Variants in ABHD5 observed in about 807,000 individuals in gnomAD.
ABHD5 encodes 1-acylglycerol-3-phosphate O-acyltransferase ABHD5.
A neutral mutation model predicts 44.9 loss-of-function variants in ABHD5; 30 were observed. The ratio of observed to expected loss-of-function variants is 0.67; its 90% CI spans 0.50 to 0.91. ABHD5 has a LOEUF of 0.91. Ranked by LOEUF, ABHD5 falls within the 40% of genes least tolerant of loss-of-function variation. The pLI is 0.00. For synonymous variants in ABHD5, 167 were observed against 147.0 expected, an observed-to-expected ratio of 1.14 and a Z score of -0.99; for missense variants, 399 against 423.4, an observed-to-expected ratio of 0.94 and a Z score of 0.50.
At chr3:43,699,250 T>C (rs1225213245) in intron 1 of ABHD5, 26 bp from the exon 2 acceptor site, 1 of 1,591,982 alleles carries the variant, frequency 6.3e-7, no homozygotes, top group Admixed American at 1.7e-5. Context: ...ACTCACCTAT[T>C]TGTTATTTTG....
intron 7 of ABHD5, among the ~76,000 whole-genome samples, chr3:43,730,560 C>T (rs1340899207): frequency 8.0e-6 from 1 of 124,664 alleles, no homozygotes; most frequent in South Asian, 2.6e-4. Context: ...GGCTGGAATA[C>T]GGTGGTGCGA....
chr3:43,731,124 G>A (rs774813736), intron 7 of ABHD5, among the ~76,000 whole-genome samples: 3 of 152,108 alleles, frequency 2.0e-5, no homozygotes, highest in Admixed American at 6.6e-5. Flanking sequence ...CACTGCGCCC[G>A]GCCCTAATCC....
chr3:43,709,942 CTG>C (rs2084666500), intron 3 of ABHD5, among the ~76,000 whole-genome samples: 2 of 152,098 alleles, frequency 1.3e-5, no homozygotes, highest in Admixed American at 6.5e-5. Context: ...ACTCAGGAGA[CTG>C]AGGCAGGAGA....
In ABHD5 at chr3:43,719,641, T is replaced by G. The variant is rs2084809704; in HGVS notation, c.*1109T>G. 1.3e-5 allele frequency: 2 copies of G among 152,322 alleles called. No individual in the cohort carries two copies. The highest frequency in any genetic ancestry group is 4.1e-4 in the South Asian group (2 of 4,830). 9.4% of individuals were successfully genotyped at this position (152,322 alleles called of 1,614,324 possible). A position where few individuals can be genotyped will look rare whatever the true frequency, so the allele number is the denominator to read the frequency against. ...ATTACAAAAATTCTAGAAGGTTGAT[T>G]GAACTATTTTTTTAGGAACTACCAT... On this transcript the variant is annotated 3_prime_UTR_variant, in exon 7 of 7. Transcript: ENST00000644371.
intron 1 of ABHD5, among the ~76,000 whole-genome samples, chr3:43,697,829 G>A (rs919801745): frequency 6.6e-6 from 1 of 152,144 alleles, no homozygotes; most frequent in African/African-American, 2.4e-5. Context: ...GTAGTCATTT[G>A]AGAAAAAAGC....
At chr3:43,699,563 G>A (rs2084514637) in intron 2 of ABHD5, 2 of 564,248 alleles carry the variant, frequency 3.5e-6, no homozygotes, top group South Asian at 2.0e-5. Context: ...TTGGTCTTGG[G>A]CCCCTGTTAT....
At chr3:43,694,151 C>T (rs918545298) in intron 1 of ABHD5, among the ~76,000 whole-genome samples, 1 of 148,910 alleles carries the variant, frequency 6.7e-6, no homozygotes, top group Non-Finnish European at 1.5e-5. Flanking sequence ...CCCAGCTACT[C>T]GGGAGGCTGA....
chr3:43,716,748 G>A (rs954363198), intron 5 of ABHD5, among the ~76,000 whole-genome samples: 14 of 152,100 alleles, frequency 9.2e-5, no homozygotes, highest in Non-Finnish European at 1.5e-4. Context: ...CCTGCATGGC[G>A]TAAGTTTTAC....
intron 1 of ABHD5, chr3:43,695,166 CTT>C (rs1282559603): frequency 6.6e-6 from 1 of 152,150 alleles, no homozygotes; most frequent in African/African-American, 2.4e-5. Flanking sequence ...ACGCTTTTTT[CTT>C]TTCTTTTTCT....
intron 5 of ABHD5, 65 bp downstream of exon 5, chr3:43,715,123 G>T (rs1575606234): frequency 1.2e-6 from 1 of 806,288 alleles, no homozygotes; most frequent in African/African-American, 1.8e-5. Flanking sequence ...GTGTGTGTTT[G>T]TGTGTGTTTT....
intron 2 of ABHD5, 38 bp from the exon 3 acceptor site, chr3:43,702,177 T>C: frequency 1.3e-6 from 2 of 1,558,758 alleles, no homozygotes; most frequent in Non-Finnish European, 1.7e-6. Flanking sequence ...TCAGAAGTAA[T>C]AAAATGAAAC....
intron 1 of ABHD5, among the ~76,000 whole-genome samples, chr3:43,699,016 T>G (rs1443414263): frequency 6.6e-6 from 1 of 152,208 alleles, no homozygotes; most frequent in African/African-American, 2.4e-5. Context: ...TTTATCCTCT[T>G]TTTGCTTATT....
intron 4 of ABHD5, 151 bp downstream of exon 4, chr3:43,712,014 A>C (rs1043877026): frequency 2.0e-6 from 2 of 982,568 alleles, no homozygotes; most frequent in Non-Finnish European, 3.2e-6. Flanking sequence ...TGTCTTGCAC[A>C]AAGACGAATG....
At chr3:43,700,282 C>G (rs2084525443) in intron 2 of ABHD5, among the ~76,000 whole-genome samples, 1 of 152,094 alleles carries the variant, frequency 6.6e-6, no homozygotes, top group Non-Finnish European at 1.5e-5. Flanking sequence ...CTTATGAGCA[C>G]TAAAATTTAC....
At chr3:43,730,057 T>A (rs181107490) in intron 7 of ABHD5, among the ~76,000 whole-genome samples, 2 of 152,364 alleles carry the variant, frequency 1.3e-5, no homozygotes, top group East Asian at 3.9e-4. Context: ...TGTTCATCTT[T>A]TATAAGAAAT....
At chr3:43,695,617 A>G (rs184881473) in intron 1 of ABHD5, among the ~76,000 whole-genome samples, 281 of 152,340 alleles carry the variant, frequency 1.8e-3, no homozygotes, top group African/African-American at 6.5e-3. Flanking sequence ...TCACTGTTTC[A>G]TAATGTTTAT....
At chr3:43,702,143 G>A in intron 2 of ABHD5, 72 bp from the exon 3 acceptor site, 2 of 1,381,996 alleles carry the variant, frequency 1.4e-6, no homozygotes, top group Non-Finnish European at 9.8e-7. Flanking sequence ...GTAATTTTTG[G>A]TTGCTCTGAG....
At chr3:43,724,577 C>G (rs1405377902), downstream of ABHD5, among the ~76,000 whole-genome samples, 4 of 152,124 alleles carry the variant, frequency 2.6e-5, no homozygotes, top group African/African-American at 4.8e-5. Flanking sequence ...TTAAATTATG[C>G]TACATTCATA....
chr3:43,715,475 A>G (rs2084752769), intron 5 of ABHD5, among the ~76,000 whole-genome samples: 1 of 152,112 alleles, frequency 6.6e-6, no homozygotes, highest in African/African-American at 2.4e-5. Context: ...TGTTTAAAAT[A>G]TATCAGTGGT....
Sources: gnomAD v4.1 joint callset for allele counts (sites outside exome capture counted in the v4.1 genomes callset) on GRCh38, gnomAD v4.1.1 for gene constraint, MANE v1.5 for transcripts, NCBI Gene and HGNC (gene_info 2026-07-23, HGNC 2026-07-21) for gene names.